DIAPH1: variants seen among roughly 807,000 people sequenced by gnomAD.
DIAPH1 encodes the protein diaphanous related formin 1.
In DIAPH1, 46 loss-of-function variants were observed where a neutral mutation model predicts 140.7. The ratio of observed to expected loss-of-function variants is 0.33; its 90% CI spans 0.26 to 0.42. The LOEUF is 0.42. Among genes scored for constraint, DIAPH1 ranks in the 10% least tolerant of loss-of-function variants. The pLI is 1.00. For missense variants in DIAPH1, 1,310 were observed against 1,558.7 expected (o/e 0.84, Z 2.69); for synonymous variants, 565 against 551.6 (o/e 1.02, Z -0.34).
intron 18 of DIAPH1, among the ~76,000 whole-genome samples, chr5:141,547,805 A>G (rs979637100): frequency 5.3e-5 from 8 of 152,254 alleles, no homozygotes; most frequent in Non-Finnish European, 1.2e-4. Flanking sequence ...TTCAACATAC[A>G]GAATCAAGCA....
chr5:141,529,815 G>T (rs2099887927), intron 19 of DIAPH1, 118 bp from the exon 20 acceptor site: 1 of 863,962 alleles, frequency 1.2e-6, no homozygotes, highest in Non-Finnish European at 1.9e-6. Context: ...CAGGCACAGT[G>T]GCTCATGCCT....
chr5:141,614,888 T>C (rs571742923), intron 1 of DIAPH1, among the ~76,000 whole-genome samples: 123 of 152,266 alleles, frequency 8.1e-4, no homozygotes, highest in African/African-American at 2.9e-3. Flanking sequence ...AAGCTCTCTG[T>C]ATATTTTTCA....
chr5:141,587,939 A>G (rs2099897789), intron 2 of DIAPH1, among the ~76,000 whole-genome samples: 1 of 152,250 alleles, frequency 6.6e-6, no homozygotes, highest in Non-Finnish European at 1.5e-5. Flanking sequence ...AAATAACAGT[A>G]ATTATCTGTA....
intron 26 of DIAPH1, chr5:141,524,496 C>T (rs2154594924): frequency 4.0e-6 from 2 of 505,444 alleles, no homozygotes; most frequent in East Asian, 3.8e-5. Context: ...ATCCTCCCCA[C>T]CCCAATCAGG....
chr5:141,576,309 A>T lies in DIAPH1; in HGVS notation c.1397-15T>A. The T allele has an allele frequency of 6.2e-7, 1 of 1,602,666 alleles. No homozygotes were observed. Among genetic ancestry groups the T allele is most frequent in the Non-Finnish European group, 8.6e-7 (1 of 1,169,576 alleles). On this transcript the variant is annotated splice_polypyrimidine_tract_variant and intron_variant, in intron 13 of 27. Coordinates refer to ENST00000389054, the MANE Select transcript of DIAPH1 (RefSeq NM_005219.5). Reference sequence around the variant, plus strand: ...AATCATTTGATCTGAAAAGAAGAAGAGTCAGTAAGTAAAGCTCCTAATTCT... The same window carrying T: ...AATCATTTGATCTGAAAAGAAGAAGTGTCAGTAAGTAAAGCTCCTAATTCT...
At chr5:141,543,101 T>C (rs188729032) in intron 18 of DIAPH1, among the ~76,000 whole-genome samples, 48 of 151,182 alleles carry the variant, frequency 3.2e-4, no homozygotes, top group African/African-American at 1.1e-3. Flanking sequence ...AAAATGTTCA[T>C]AGTAGCATTA....
chr5:141,556,644 G>C (rs2099892629), intron 18 of DIAPH1, among the ~76,000 whole-genome samples: 1 of 152,128 alleles, frequency 6.6e-6, no homozygotes, highest in African/African-American at 2.4e-5. Context: ...AGGGAAGTCT[G>C]GCTTTGTATC....
Position 141,612,878 on chromosome 5 carries a change from C to T in DIAPH1, c.117+5920G>A, listed in dbSNP as rs550704602. On this transcript the variant is annotated intron_variant, in intron 1 of 27. Coordinates refer to ENST00000389054, the MANE Select transcript of DIAPH1 (RefSeq NM_005219.5). ...TCTGAGATGTAAGGCCAACTACCAA[C>T]GTATGCTCTTTGGTTTTCTGTGACC... Among the ~76,000 whole-genome samples, 5 of 152,268 alleles carry T rather than the reference C, an allele frequency of 3.3e-5. No homozygotes were observed. The South Asian group carries it at 6.2e-4, about 19-fold the overall frequency.
intron 11 of DIAPH1, 60 bp downstream of exon 11, chr5:141,578,165 T>A: frequency 8.2e-7 from 1 of 1,218,232 alleles, no homozygotes; most frequent in Non-Finnish European, 1.2e-6. Flanking sequence ...CACACAGGGA[T>A]CAGGGAACTA....
intron 23 of DIAPH1, 21 bp from the exon 24 acceptor site, chr5:141,527,718 A>C (rs1022710202): frequency 5.8e-6 from 9 of 1,555,172 alleles, no homozygotes; most frequent in African/African-American, 2.8e-5. Context: ...AAAAAAAAAA[A>C]AAAACCATAA....
intron 18 of DIAPH1, among the ~76,000 whole-genome samples, chr5:141,538,394 C>G (rs1006615032): frequency 6.6e-6 from 1 of 151,652 alleles, no homozygotes; most frequent in Non-Finnish European, 1.5e-5. Flanking sequence ...GCTCTGTCTC[C>G]CAGGCTGGAG....
chr5:141,522,087 G>A (rs1051053319), intron 27 of DIAPH1, among the ~76,000 whole-genome samples: 3 of 152,104 alleles, frequency 2.0e-5, no homozygotes, highest in East Asian at 1.9e-4. Flanking sequence ...ATGTGAGACC[G>A]CATCACATCA....
At chr5:141,552,984 C>T (rs2099891977) in intron 18 of DIAPH1, among the ~76,000 whole-genome samples, 1 of 152,166 alleles carries the variant, frequency 6.6e-6, no homozygotes, top group South Asian at 2.1e-4. Flanking sequence ...GAATACACTT[C>T]CTATCAAGAC....
Position 141,573,693 on chromosome 5 carries a change from A to AG in DIAPH1, c.2156dup (p.Leu720SerfsTer55). ...GAGGGATTCCAGGACCACCAGGAAG[A>AG]GGGGGAGGAGGAGGTGGCATTCCTG... is the stretch of plus-strand genomic sequence containing the variant. On this transcript the variant is annotated frameshift_variant, in exon 16 of 28. Coordinates refer to ENST00000389054, the MANE Select transcript of DIAPH1 (RefSeq NM_005219.5). LOFTEE classifies it high-confidence loss of function. 1 of 1,538,796 alleles carries AG rather than the reference A, an allele frequency of 6.5e-7. No individual in the cohort carries two copies. Among genetic ancestry groups the AG allele is most frequent in the Non-Finnish European group, 8.8e-7 (1 of 1,136,924 alleles).
Position 141,618,938 on chromosome 5 carries a change from AC to A in DIAPH1, c.-25del. On this transcript the variant is annotated 5_prime_UTR_variant, in exon 1 of 28. Coordinates refer to ENST00000389054, the MANE Select transcript of DIAPH1 (RefSeq NM_005219.5). ...ATGTCCCGGTTCACGCTGGCCGGCGACCCCGCGCCTACGCCGCTCCCGCCTG... is the reference window on the plus strand; with the variant it reads ...ATGTCCCGGTTCACGCTGGCCGGCGACCCGCGCCTACGCCGCTCCCGCCTG... 1 of 1,357,870 alleles carries A rather than the reference AC, an allele frequency of 7.4e-7. No individual in the cohort carries two copies. 84.1% of individuals were successfully genotyped at this position (1,357,870 alleles called of 1,614,324 possible). A position where few individuals can be genotyped will look rare whatever the true frequency, so the allele number is the denominator to read the frequency against.
chr5:141,518,028 G>A (rs528402504), intron 27 of DIAPH1, among the ~76,000 whole-genome samples: 9 of 152,184 alleles, frequency 5.9e-5, no homozygotes, highest in African/African-American at 9.7e-5. Flanking sequence ...TGTCTGGGAC[G>A]AAAGAAGCCT....
chr5:141,543,607 G>A (rs1024984874), intron 18 of DIAPH1, among the ~76,000 whole-genome samples: 19 of 152,108 alleles, frequency 1.2e-4, no homozygotes, highest in African/African-American at 3.6e-4. Context: ...CTGGCTTTGC[G>A]TTACATTATT....
chr5:141,596,227 G>A (rs1410606618), intron 1 of DIAPH1, among the ~76,000 whole-genome samples: 1 of 152,126 alleles, frequency 6.6e-6, no homozygotes, highest in Non-Finnish European at 1.5e-5. Context: ...CAGCTACTCG[G>A]GAGGCTGAGG....
In DIAPH1 at chr5:141,571,410, G is replaced by A. The variant is rs758423836; in HGVS notation, c.2482+18C>T. Reference sequence around the variant, plus strand: ...AATATTCAAGAGACCAAACTAAAAGGCTCTTTTGTATTCTTACCTTTGGAA... The same window carrying A: ...AATATTCAAGAGACCAAACTAAAAGACTCTTTTGTATTCTTACCTTTGGAA... On this transcript the variant is annotated intron_variant, in intron 18 of 27. Coordinates refer to ENST00000389054, the MANE Select transcript of DIAPH1 (RefSeq NM_005219.5). 1.9e-6 allele frequency: 3 copies of A among 1,599,332 alleles called. No homozygotes were observed. The South Asian group carries it at 3.4e-5, about 18-fold the overall frequency.
Sources: gnomAD v4.1 joint callset for allele counts (sites outside exome capture counted in the v4.1 genomes callset) on GRCh38, gnomAD v4.1.1 for gene constraint, MANE v1.5 for transcripts, NCBI Gene and HGNC (gene_info 2026-07-23, HGNC 2026-07-21) for gene names.